ADAMTSL1: variants seen among roughly 807,000 people sequenced by gnomAD.
ADAMTSL1 encodes the protein ADAMTS like 1, also known as ADAMTS-like protein 1.
ADAMTSL1 carries 126 observed loss-of-function variants against 201.8 expected under a neutral mutation model. That is an observed-to-expected ratio of 0.62 (90% CI 0.54 to 0.72). The LOEUF (loss-of-function observed/expected upper bound fraction) is 0.72, where lower values mean the gene tolerates loss of function less well. Among genes scored for constraint, ADAMTSL1 ranks in the 30% least tolerant of loss-of-function variants. The probability of loss-of-function intolerance (pLI) is 0.00; values close to 1 mark genes in which losing one functional copy is unlikely to be tolerated. For missense variants in ADAMTSL1, 2,679 were observed against 2,277.8 expected, an observed-to-expected ratio of 1.18 and a Z score of -3.59; for synonymous variants, 1,121 against 903.4, an observed-to-expected ratio of 1.24 and a Z score of -4.32.
At chr9:18,075,692 G>A (rs1169464914) in intron 1 of ADAMTSL1, among the ~76,000 whole-genome samples, 2 of 152,204 alleles carry the variant, frequency 1.3e-5, no homozygotes, top group African/African-American at 4.8e-5. Context: ...ATTAGGGAAA[G>A]AAAGTAACAT....
At chr9:18,534,391 G>A (rs1195028020) in intron 3 of ADAMTSL1, among the ~76,000 whole-genome samples, 1 of 152,036 alleles carries the variant, frequency 6.6e-6, no homozygotes, top group South Asian at 2.1e-4. Flanking sequence ...AGAAGGAGGA[G>A]AACTTAAACC....
At position 18,521,704 on chromosome 9, in the gene ADAMTSL1, T is replaced by C. The variant is rs141627741; in HGVS notation, c.192-11543T>C. ...GCAAGCCCCCTCAAAATAATGCTTT[T>C]ACATAAACAAGTTTCATTGTAATTT... On this transcript the variant is annotated intron_variant, in intron 2 of 28. Coordinates refer to ENST00000380548, the MANE Select transcript of ADAMTSL1 (RefSeq NM_001040272.6). 4.4e-3 allele frequency among the ~76,000 whole-genome samples: 669 copies of C among 152,284 alleles called. 4 individuals are homozygous for C. The highest frequency in any genetic ancestry group is 0.015 in the African/African-American group (613 of 41,560).
At chr9:17,965,698 T>A (rs1817955309) in intron 1 of ADAMTSL1, among the ~76,000 whole-genome samples, 1 of 152,174 alleles carries the variant, frequency 6.6e-6, no homozygotes, top group South Asian at 2.1e-4. Flanking sequence ...GACTTTCAAT[T>A]CAATTGGGCT....
At chr9:18,255,334 A>T (rs370004084) in intron 2 of ADAMTSL1, among the ~76,000 whole-genome samples, 1 of 151,540 alleles carries the variant, frequency 6.6e-6, no homozygotes, top group Non-Finnish European at 1.5e-5. Flanking sequence ...TCTTTAAATC[A>T]TGTGTGTATG....
At chr9:18,124,005 T>C (rs7875989) in intron 1 of ADAMTSL1, among the ~76,000 whole-genome samples, 2,290 of 152,052 alleles carry the variant, frequency 0.015, 53 homozygotes, top group African/African-American at 0.052. Context: ...AAATGGTATC[T>C]CATTGTGGTT....
At chr9:18,527,798 C>G (rs1928534) in intron 2 of ADAMTSL1, among the ~76,000 whole-genome samples, 92,448 of 152,020 alleles carry the variant, frequency 0.61, 28,342 homozygotes, top group East Asian at 0.8. Context: ...AAATCAAAAT[C>G]TGACTGGGCA....
intron 1 of ADAMTSL1, among the ~76,000 whole-genome samples, chr9:18,135,270 T>A (rs1404407757): frequency 6.6e-6 from 1 of 152,172 alleles, no homozygotes; most frequent in Non-Finnish European, 1.5e-5. Flanking sequence ...CCATACGTAC[T>A]ATGCATTCAT....
intron 14 of ADAMTSL1, among the ~76,000 whole-genome samples, chr9:18,719,919 TAAAGC>T (rs1833231682): frequency 1.3e-5 from 2 of 152,092 alleles, no homozygotes; most frequent in Admixed American, 6.5e-5. Flanking sequence ...ATGCAGAAAA[TAAAGC>T]AAGGCAATAT....
chr9:18,473,477 T>C (rs1341631573), upstream of ADAMTSL1, among the ~76,000 whole-genome samples: 1 of 152,140 alleles, frequency 6.6e-6, no homozygotes, highest in Admixed American at 6.5e-5. Flanking sequence ...ACTTGCTTTG[T>C]TTTTTTCCCC....
At chr9:18,461,119 G>A (rs1820791472) in intron 2 of ADAMTSL1, among the ~76,000 whole-genome samples, 1 of 152,234 alleles carries the variant, frequency 6.6e-6, no homozygotes, top group African/African-American at 2.4e-5. Flanking sequence ...TCCAAGAAAG[G>A]TGCATCAAGA....
At chr9:18,354,872 G>A (rs951223980) in intron 2 of ADAMTSL1, among the ~76,000 whole-genome samples, 1 of 152,120 alleles carries the variant, frequency 6.6e-6, no homozygotes, top group African/African-American at 2.4e-5. Flanking sequence ...TTGGGAAGCC[G>A]AGGCAGGATA....
At chr9:18,497,305 A>G (rs1053171015) in intron 1 of ADAMTSL1, among the ~76,000 whole-genome samples, 4 of 151,702 alleles carry the variant, frequency 2.6e-5, no homozygotes, top group Non-Finnish European at 5.9e-5. Context: ...TGTAGTTTCT[A>G]CAGGATACAG....
chr9:18,882,299 G>C (rs1828581225), intron 23 of ADAMTSL1, among the ~76,000 whole-genome samples: 1 of 152,134 alleles, frequency 6.6e-6, no homozygotes, highest in Non-Finnish European at 1.5e-5. Context: ...TGACCAAACA[G>C]GATTCATGGA....
rs568901083 is a variant in ADAMTSL1 at position 18,453,775 on chromosome 9, A to AT, written c.208-51047dup. 1.4e-3 allele frequency among the ~76,000 whole-genome samples: 213 copies of AT among 152,242 alleles called. 2 individuals carry two copies. Among genetic ancestry groups the AT allele is most frequent in the African/African-American group, 4.8e-3 (200 of 41,552 alleles). ...GGTTGATTAGGAATATGAAATGCAG[A>AT]TTTTTTTGTATCTCTGTAAACAGTT... On this transcript the variant is annotated intron_variant, in intron 2 of 29. Transcript: ENST00000680146.
intron 1 of ADAMTSL1, among the ~76,000 whole-genome samples, chr9:18,046,826 G>C (rs1357346945): frequency 1.3e-5 from 2 of 152,084 alleles, no homozygotes. Context: ...AACAACCTCA[G>C]ACACATATCT....
intron 1 of ADAMTSL1, among the ~76,000 whole-genome samples, chr9:17,996,030 G>C (rs184736513): frequency 3.8e-4 from 57 of 151,982 alleles, no homozygotes; most frequent in Admixed American, 4.6e-4. Flanking sequence ...TATAAATGTG[G>C]GTTGTTATTA....
chr9:18,715,532 A>T (rs1832870632), intron 14 of ADAMTSL1, among the ~76,000 whole-genome samples: 1 of 152,112 alleles, frequency 6.6e-6, no homozygotes, highest in Non-Finnish European at 1.5e-5. Flanking sequence ...CTTACAAGGG[A>T]TGTGAAGGAC....
At chr9:18,187,101 G>A (rs1308937010) in intron 2 of ADAMTSL1, among the ~76,000 whole-genome samples, 1 of 152,054 alleles carries the variant, frequency 6.6e-6, no homozygotes, top group Non-Finnish European at 1.5e-5. Flanking sequence ...ACTGTCATGT[G>A]GTGTTCCCAG....
At chr9:18,229,468 G>A (rs1349233812) in intron 2 of ADAMTSL1, among the ~76,000 whole-genome samples, 1 of 151,362 alleles carries the variant, frequency 6.6e-6, no homozygotes, top group Admixed American at 6.6e-5. Flanking sequence ...GATGGAGACA[G>A]ATTTTAGGTT....
Sources: gnomAD v4.1 joint callset for allele counts (sites outside exome capture counted in the v4.1 genomes callset) on GRCh38, gnomAD v4.1.1 for gene constraint, MANE v1.5 for transcripts, NCBI Gene and HGNC (gene_info 2026-07-23, HGNC 2026-07-21) for gene names.